HVCN1: variants seen among roughly 807,000 people sequenced by gnomAD.
HVCN1 encodes the protein hydrogen voltage gated channel 1.
In HVCN1, 14 loss-of-function variants were observed where a neutral mutation model predicts 29.2. The observed-to-expected ratio is 0.48, with a 90% CI of 0.32 to 0.75. HVCN1 has a LOEUF of 0.75. Among genes scored for constraint, HVCN1 ranks in the 30% least tolerant of loss-of-function variants. HVCN1 has a pLI of 0.04. For missense variants in HVCN1, 263 were observed against 341.8 expected, an observed-to-expected ratio of 0.77 and a Z score of 1.82; for synonymous variants, 131 against 133.2, an observed-to-expected ratio of 0.98 and a Z score of 0.11.
At chr12:110,690,295 C>T (rs887966781), upstream of HVCN1, among the ~76,000 whole-genome samples, 1 of 152,168 alleles carries the variant, frequency 6.6e-6, no homozygotes, top group African/African-American at 2.4e-5. Context: ...ATCTCTCCAG[C>T]TCAGGATCCT....
chr12:110,685,059 T>G (rs1052459150), intron 2 of HVCN1, among the ~76,000 whole-genome samples: 1 of 152,200 alleles, frequency 6.6e-6, no homozygotes, highest in Non-Finnish European at 1.5e-5. Context: ...ATCCTTGAAC[T>G]TGTATATTAC....
At chr12:110,693,663 A>G (rs1017772522), upstream of HVCN1, among the ~76,000 whole-genome samples, 8 of 152,190 alleles carry the variant, frequency 5.3e-5, no homozygotes, top group African/African-American at 1.9e-4. Flanking sequence ...TATATGTATC[A>G]TTACTTCAAA....
intron 3 of HVCN1, among the ~76,000 whole-genome samples, chr12:110,674,886 G>T (rs904261421): frequency 6.6e-6 from 1 of 152,168 alleles, no homozygotes; most frequent in African/African-American, 2.4e-5. Flanking sequence ...GATCCAGCCT[G>T]CAGGGAGTTA....
At chr12:110,699,382 G>A (rs186006855) in intron 2 of HVCN1, among the ~76,000 whole-genome samples, 38 of 152,246 alleles carry the variant, frequency 2.5e-4, no homozygotes, top group Non-Finnish European at 4.1e-4. Flanking sequence ...ACTCCTGTTG[G>A]GGTGGGCTCC....
intron 6 of HVCN1, 137 bp from the exon 7 acceptor site, chr12:110,650,417 A>G: frequency 1.7e-6 from 1 of 592,182 alleles, no homozygotes. Context: ...TTAGGGCATC[A>G]GAACTGGGAG....
chr12:110,658,237 C>T lies in HVCN1; in HGVS notation c.307-2899G>A, dbSNP rs982285495. Reference sequence around the variant, plus strand: ...CAATTAACTATTAATATATCAAGCACCTTGGCCATCTCAAACCACCCAAGA... The same window carrying T: ...CAATTAACTATTAATATATCAAGCATCTTGGCCATCTCAAACCACCCAAGA... On this transcript the variant is annotated intron_variant, in intron 4 of 7. Transcript: ENST00000242607. This position sits in a 1 kb window ranked among gnomAD's most constrained non-coding sequence, Gnocchi z 5.0. 6.6e-6 allele frequency among the ~76,000 whole-genome samples: 1 copy of T among 152,224 alleles called. No homozygotes were observed. The highest frequency in any genetic ancestry group is 6.5e-5 in the Admixed American group (1 of 15,290).
chr12:110,686,093 G>A (rs762126084), intron 2 of HVCN1, among the ~76,000 whole-genome samples: 1 of 151,990 alleles, frequency 6.6e-6, no homozygotes, highest in African/African-American at 2.4e-5. Flanking sequence ...CTGTCTCCCA[G>A]GTTCAAGCGA....
At chr12:110,666,629 C>T (rs1284687057) in intron 3 of HVCN1, among the ~76,000 whole-genome samples, 2 of 152,174 alleles carry the variant, frequency 1.3e-5, no homozygotes, top group East Asian at 1.9e-4. Context: ...AGCCTCCTCG[C>T]CACACTCCAG....
Position 110,650,192 on chromosome 12 carries a change from G to A in HVCN1, c.732C>T (p.His244=), listed in dbSNP as rs377175325. 434 of 1,612,178 alleles carry A rather than the reference G, an allele frequency of 2.7e-4. 3 individuals carry two copies. In the South Asian group the frequency reaches 3.9e-3, roughly 15 times the overall value. Residue 244 remains histidine, a synonymous_variant, in exon 7 of 8, where the codon CAC becomes CAT. Transcript: ENST00000242607. ...MNVQLAAKIQ[H]LEFSCSEKEQ... is the part of the protein sequence containing the mutation. The stretch of plus-strand genomic sequence containing the variant: ...CCTTCTCAGAGCAGCTGAACTCAAG[G>A]TGTTGAATCTTGGCGGCCAATTGTA...
At chr12:110,668,075 G>A (rs2068431854) in intron 3 of HVCN1, among the ~76,000 whole-genome samples, 1 of 152,140 alleles carries the variant, frequency 6.6e-6, no homozygotes, top group Non-Finnish European at 1.5e-5. Context: ...TAGCATTCAT[G>A]GACAGACTGA....
chr12:110,673,693 G>C (rs2068655833), intron 3 of HVCN1, among the ~76,000 whole-genome samples: 1 of 152,222 alleles, frequency 6.6e-6, no homozygotes, highest in Non-Finnish European at 1.5e-5. Context: ...AGCTCAGGCT[G>C]TGGCTTCAGA....
rs1043937043 is a variant in HVCN1 at position 110,686,415 on chromosome 12, G to C, written c.-20+2210C>G. The stretch of plus-strand genomic sequence containing the variant: ...AAGGGACTCTTAGACTTTCTCGCTG[G>C]TTGACTGGCAGAGCAACTTCTGGAC... On this transcript the variant is annotated intron_variant, in intron 2 of 7. Coordinates refer to ENST00000242607, the MANE Select transcript of HVCN1 (RefSeq NM_032369.4). Among the ~76,000 whole-genome samples the C allele has an allele frequency of 3.9e-5, 6 of 152,158 alleles. No homozygotes were observed. The East Asian group carries it at 7.7e-4, about 20-fold the overall frequency.
rs553912255 is a variant in HVCN1 at position 110,658,578 on chromosome 12, C to T, written c.306+2586G>A. Among the ~76,000 whole-genome samples, 98 of 152,318 alleles carry T rather than the reference C, an allele frequency of 6.4e-4. No homozygotes were observed. The highest frequency in any genetic ancestry group is 2.3e-3 in the African/African-American group (94 of 41,562). On this transcript the variant is annotated intron_variant, in intron 4 of 7. Coordinates refer to ENST00000242607, the MANE Select transcript of HVCN1 (RefSeq NM_032369.4). This position sits in a 1 kb window ranked among gnomAD's most constrained non-coding sequence, Gnocchi z 5.0. ...GAAGCCTCCCACGCCATCCACCCAT[C>T]GGGCTCACTCCTGCTCAGCATGCAG...
At chr12:110,697,121 G>A (rs537474847) in intron 2 of HVCN1, among the ~76,000 whole-genome samples, 1 of 152,068 alleles carries the variant, frequency 6.6e-6, no homozygotes, top group South Asian at 2.1e-4. Context: ...GGGGCCAGGT[G>A]GAGGATGTCC....
chr12:110,696,013 C>T (rs1325314925), intron 2 of HVCN1, among the ~76,000 whole-genome samples: 23 of 148,748 alleles, frequency 1.5e-4, no homozygotes, highest in African/African-American at 4.7e-4. Flanking sequence ...AGTGCAATGG[C>T]GCGATCTCAG....
rs2068061423 is a variant in HVCN1, at chr12:110,658,574, C to A, written c.306+2590G>T. ...CCTGGAAGCCTCCCACGCCATCCAC[C>A]CATCGGGCTCACTCCTGCTCAGCAT... On this transcript the variant is annotated intron_variant, in intron 4 of 7. Coordinates refer to ENST00000242607, the MANE Select transcript of HVCN1 (RefSeq NM_032369.4). The surrounding 1 kb of genome is among the most constrained non-coding windows in gnomAD (Gnocchi z 5.0). Among the ~76,000 whole-genome samples the A allele has an allele frequency of 6.6e-6, 1 of 152,162 alleles. No homozygotes were observed. The highest frequency in any genetic ancestry group is 1.5e-5 in the Non-Finnish European group (1 of 68,010).
At position 110,648,840 on chromosome 12, in the gene HVCN1, C is replaced by T. The variant is rs569017966; in HGVS notation, c.*570G>A. ...TGTTTTATTTTATACAGTAGTTGTACAGTAATTGAGGAAAAATGTTGTCAG... is the reference window on the plus strand; with the variant it reads ...TGTTTTATTTTATACAGTAGTTGTATAGTAATTGAGGAAAAATGTTGTCAG... On this transcript the variant is annotated 3_prime_UTR_variant, in exon 8 of 8. Coordinates refer to ENST00000242607, the MANE Select transcript of HVCN1 (RefSeq NM_032369.4). 2.7e-5 allele frequency: 10 copies of T among 364,114 alleles called. No homozygotes were observed. In the East Asian group the frequency reaches 3.1e-4, roughly 11 times the overall value. The allele number at this position is 364,114 out of a possible 1,614,324, so 22.6% of individuals were successfully genotyped here.
intron 3 of HVCN1, among the ~76,000 whole-genome samples, chr12:110,672,645 A>G (rs1347004482): frequency 6.6e-6 from 1 of 152,140 alleles, no homozygotes; most frequent in East Asian, 1.9e-4. Context: ...CTGTGTCCCC[A>G]CCCAAATCTC....
intron 2 of HVCN1, among the ~76,000 whole-genome samples, chr12:110,700,363 C>T (rs887088551): frequency 4.6e-5 from 7 of 152,146 alleles, no homozygotes; most frequent in African/African-American, 7.2e-5. Flanking sequence ...ACAGCAAAAT[C>T]GCAGGGAGCC....
Sources: allele counts gnomAD v4.1 joint callset (sites outside exome capture counted in the v4.1 genomes callset), GRCh38; gene constraint gnomAD v4.1.1; non-coding constraint Gnocchi (gnomAD v3.1); transcripts MANE v1.5; gene names NCBI Gene and HGNC (gene_info 2026-07-23, HGNC 2026-07-21).